The following FLYWCH1 variants were observed in gnomAD, a reference collection of about 807,000 sequenced individuals.
The protein encoded by FLYWCH1 is FLYWCH-type zinc finger 1, also known as FLYWCH-type zinc finger-containing protein 1.
In FLYWCH1, 75 loss-of-function variants were observed where a neutral mutation model predicts 66.4. The ratio of observed to expected loss-of-function variants is 1.13; its 90% CI spans 0.94 to 1.37. The LOEUF (loss-of-function observed/expected upper bound fraction) is 1.37. Ranked by LOEUF, FLYWCH1 falls within the 40% of genes most tolerant of loss-of-function variation. The probability of loss-of-function intolerance (pLI) is 0.00; values close to 1 mark genes in which losing one functional copy is unlikely to be tolerated. For missense variants in FLYWCH1, 1,334 were observed against 1,001.8 expected, an observed-to-expected ratio of 1.33 and a Z score of -4.48; for synonymous variants, 595 against 429.9, an observed-to-expected ratio of 1.38 and a Z score of -4.75.
chr16:2,930,825 C>A lies in FLYWCH1; in HGVS notation c.741C>A (p.Pro247=), dbSNP rs766369534. 6.2e-6 allele frequency: 10 copies of A among 1,602,902 alleles called. No individual in the cohort carries two copies. In the East Asian group the frequency reaches 2.2e-4, roughly 36 times the overall value. The part of the protein sequence containing the change: ...SKPALEEEEA[P]RALSLLSLPP... ...CGGCCCTGGAGGAGGAGGAGGCACC[C>A]CGAGCCCTGTCACTGCTGAGCCTGC... is the stretch of plus-strand genomic sequence containing the variant. The change falls in exon 4 of 10, where the codon CCC becomes CCA. Residue 247 remains proline, a synonymous_variant. Coordinates refer to ENST00000253928, the MANE Select transcript of FLYWCH1 (RefSeq NM_001308068.2).
chr16:2,950,017 G>A lies in FLYWCH1; in HGVS notation c.*1290G>A, dbSNP rs1445051495. ...TGGGGCCTCTGGAAGGGCTGCTGGGGGGCCAGCTGCAGCCTGTGGCCTCTC... is the reference window on the plus strand; with the variant it reads ...TGGGGCCTCTGGAAGGGCTGCTGGGAGGCCAGCTGCAGCCTGTGGCCTCTC... On this transcript the variant is annotated 3_prime_UTR_variant, in exon 10 of 10. Transcript: ENST00000253928. 2.0e-5 allele frequency: 3 copies of A among 152,296 alleles called. No homozygotes were observed. Among genetic ancestry groups the A allele is most frequent in the African/African-American group, 7.2e-5 (3 of 41,438 alleles). The allele number at this position is 152,296 out of a possible 1,614,324, so 9.4% of individuals were successfully genotyped here. A position where few individuals can be genotyped will look rare whatever the true frequency, so the allele number is the denominator to read the frequency against.
intron 4 of FLYWCH1, 57 bp downstream of exon 4, chr16:2,930,937 T>G: frequency 1.5e-6 from 2 of 1,322,428 alleles, no homozygotes; most frequent in Non-Finnish European, 2.1e-6. Context: ...CCGAGGGCCC[T>G]TCCTCAGCCC....
chr16:2,928,480 T>C (rs560314259), intron 2 of FLYWCH1, among the ~76,000 whole-genome samples: 46 of 152,220 alleles, frequency 3.0e-4, no homozygotes, highest in Non-Finnish European at 5.4e-4. Context: ...CAGTGACTTT[T>C]ACCAGGCATA....
intron 9 of FLYWCH1, chr16:2,943,612 C>G (rs2071360099): frequency 6.6e-6 from 1 of 152,036 alleles, no homozygotes; most frequent in Admixed American, 6.6e-5. Flanking sequence ...AAAGGAGTTT[C>G]TTCAGCCTGA....
rs113386685 is a variant in FLYWCH1 at position 2,927,924 on chromosome 16, T to G, written c.-73-1689T>G. Among the ~76,000 whole-genome samples, 47 of 152,302 alleles carry G rather than the reference T, an allele frequency of 3.1e-4. 1 individual carries two copies. Among genetic ancestry groups the G allele is most frequent in the African/African-American group, 1.0e-3 (42 of 41,562 alleles). Reference sequence around the variant, plus strand: ...TCCCTCAGTATTTATTGATGACTATTTTTACTATCTTGGCAAGGGGAGTGT... The same window carrying G: ...TCCCTCAGTATTTATTGATGACTATGTTTACTATCTTGGCAAGGGGAGTGT... On this transcript the variant is annotated intron_variant, in intron 2 of 9. Coordinates refer to ENST00000253928, the MANE Select transcript of FLYWCH1 (RefSeq NM_001308068.2).
At chr16:2,922,966 T>G in intron 2 of FLYWCH1, 1 of 522,680 alleles carries the variant, frequency 1.9e-6, no homozygotes, top group Non-Finnish European at 3.8e-6. Context: ...GCCTCCGGAG[T>G]CGCAGTGTCT....
chr16:2,917,839 T>G (rs1396121292), intron 2 of FLYWCH1, among the ~76,000 whole-genome samples: 1 of 114,982 alleles, frequency 8.7e-6, no homozygotes, highest in Non-Finnish European at 1.7e-5. Flanking sequence ...AAATCTGGAG[T>G]CTTTTCTTCC....
intron 9 of FLYWCH1, among the ~76,000 whole-genome samples, chr16:2,945,359 G>A (rs949373230): frequency 6.6e-6 from 1 of 151,824 alleles, no homozygotes. Flanking sequence ...GGTGGCGTGT[G>A]CCTGTAATCC....
At chr16:2,943,015 T>C (rs1313896180) in intron 9 of FLYWCH1, among the ~76,000 whole-genome samples, 2 of 152,154 alleles carry the variant, frequency 1.3e-5, no homozygotes, top group African/African-American at 4.8e-5. Context: ...ATCTGGGAAC[T>C]TGACTGGTAA....
intron 9 of FLYWCH1, among the ~76,000 whole-genome samples, chr16:2,945,975 C>T (rs1015572328): frequency 1.2e-4 from 18 of 151,652 alleles, no homozygotes; most frequent in Non-Finnish European, 2.4e-4. Flanking sequence ...CCAGCCTGGG[C>T]AACAGAGCGA....
intron 8 of FLYWCH1, among the ~76,000 whole-genome samples, chr16:2,939,504 T>TCTCAAAAAAA (rs1171995914): frequency 1.1e-4 from 8 of 75,518 alleles, no homozygotes; most frequent in African/African-American, 3.5e-4. Context: ...GGTGAAACCT[T>TCTCAAAAAAA]GAAAGAAAAC....
intron 6 of FLYWCH1, chr16:2,936,667 C>T (rs902799560): frequency 4.3e-6 from 2 of 460,478 alleles, no homozygotes; most frequent in African/African-American, 2.0e-5. Context: ...CCTGCCTCTT[C>T]CTCAGAGTCC....
intron 9 of FLYWCH1, among the ~76,000 whole-genome samples, chr16:2,946,287 T>C (rs2071482715): frequency 2.7e-5 from 4 of 149,526 alleles, no homozygotes; most frequent in African/African-American, 9.8e-5. Flanking sequence ...GCTCCATTCA[T>C]AATTCATGCC....
At chr16:2,915,118 C>T (rs541356514) in intron 2 of FLYWCH1, 26 of 149,630 alleles carry the variant, frequency 1.7e-4, no homozygotes, top group Non-Finnish European at 3.4e-4. Context: ...AAAATATACT[C>T]ATTTTTATTA....
intron 9 of FLYWCH1, among the ~76,000 whole-genome samples, chr16:2,946,227 T>TTAG (rs1260941216): frequency 6.6e-6 from 1 of 151,954 alleles, no homozygotes; most frequent in Non-Finnish European, 1.5e-5. Flanking sequence ...CACTAATGCT[T>TTAG]TAGGCCTCCA....
At position 2,933,205 on chromosome 16, in the gene FLYWCH1, A is replaced by C. The variant is rs1420343781; in HGVS notation, c.872A>C (p.Lys291Thr). The C allele has an allele frequency of 7.4e-6, 12 of 1,613,166 alleles. No homozygotes were observed. Among genetic ancestry groups the C allele is most frequent in the Non-Finnish European group, 1.0e-5 (12 of 1,179,724 alleles). Reference protein sequence around the residue: ...SFLVHESFLYKREKAVGDKVY... With the variant: ...SFLVHESFLYTREKAVGDKVY... Reference sequence around the variant, plus strand: ...CTGGTACACGAGTCGTTCCTCTACAAGCGGGAGAAGGCTGTCGGGGACAAG... The same window carrying C: ...CTGGTACACGAGTCGTTCCTCTACACGCGGGAGAAGGCTGTCGGGGACAAG... Residue 291 changes from lysine (K) to threonine (T), a missense_variant, in exon 5 of 10, where the codon AAG becomes ACG. By Grantham distance (78) the Lys-to-Thr change is moderately conservative. Coordinates refer to ENST00000253928, the MANE Select transcript of FLYWCH1 (RefSeq NM_001308068.2).
At chr16:2,941,647 T>A (rs1450398471) in intron 9 of FLYWCH1, among the ~76,000 whole-genome samples, 2 of 146,712 alleles carry the variant, frequency 1.4e-5, no homozygotes, top group African/African-American at 5.0e-5. Flanking sequence ...GTGGCTAGGG[T>A]GGGAGGATCG....
chr16:2,940,134 C>T (rs1477947654), intron 9 of FLYWCH1, 42 bp downstream of exon 9: 2 of 930,560 alleles, frequency 2.1e-6, no homozygotes, highest in South Asian at 2.7e-5. Flanking sequence ...CCAATTACAA[C>T]AAAACGTAGT....
intron 2 of FLYWCH1, chr16:2,922,868 G>A: frequency 1.9e-6 from 1 of 524,284 alleles, no homozygotes; most frequent in Non-Finnish European, 3.8e-6. Context: ...CTTCTTCATG[G>A]CAGACTCAGT....
Sources: allele counts gnomAD v4.1 joint callset (sites outside exome capture counted in the v4.1 genomes callset), GRCh38; gene constraint gnomAD v4.1.1; transcripts MANE v1.5; gene names NCBI Gene and HGNC (gene_info 2026-07-23, HGNC 2026-07-21).